The following ALMS1 variants were observed in gnomAD, a reference collection of about 807,000 sequenced individuals.
ALMS1 encodes the protein ALMS1 centrosome and basal body associated protein, also known as centrosome-associated protein ALMS1.
A neutral mutation model predicts 352.2 loss-of-function variants in ALMS1; 271 were observed. The ratio of observed to expected loss-of-function variants is 0.77; its 90% CI spans 0.70 to 0.85. ALMS1 has a LOEUF of 0.85. Among genes scored for constraint, ALMS1 ranks in the 40% least tolerant of loss-of-function variants. The pLI, the probability that ALMS1 is intolerant of heterozygous loss-of-function variation, is 0.00. For missense variants in ALMS1, 5,445 were observed against 4,870.7 expected, an observed-to-expected ratio of 1.12 and a Z score of -3.51; for synonymous variants, 1,865 against 1,761.2, an observed-to-expected ratio of 1.06 and a Z score of -1.48.
At chr2:73,428,946 A>G (rs1161507569) in intron 6 of ALMS1, among the ~76,000 whole-genome samples, 1 of 152,180 alleles carries the variant, frequency 6.6e-6, no homozygotes, top group Non-Finnish European at 1.5e-5. Flanking sequence ...TTATTTGGGT[A>G]TCCACGTATG....
chr2:73,541,651 A>G (rs1279154663), intron 12 of ALMS1, among the ~76,000 whole-genome samples: 4 of 152,190 alleles, frequency 2.6e-5, no homozygotes, highest in Non-Finnish European at 5.9e-5. Context: ...AGAGAGAAGA[A>G]TCAAATAGAC....
chr2:73,505,873 A>G (rs1040564116), intron 10 of ALMS1, among the ~76,000 whole-genome samples: 20 of 152,182 alleles, frequency 1.3e-4, no homozygotes, highest in African/African-American at 4.1e-4. Context: ...GCCCATGCCT[A>G]TGTCCTGAAT....
In ALMS1 at chr2:73,490,623, T is replaced by G; in HGVS notation, c.8664T>G (p.Phe2888Leu). 6.2e-7 allele frequency: 1 copy of G among 1,614,196 alleles called. No individual in the cohort carries two copies. Among genetic ancestry groups the G allele is most frequent in the Non-Finnish European group, 8.5e-7 (1 of 1,180,030 alleles). The stretch of plus-strand genomic sequence containing the variant: ...TTTTTCTTGAACAACGAGAGCTCTT[T>G]GAACAAAGCAAAGCCCCACGTGCAG... ...SCIFLEQRELFEQSKAPRADD... is the reference protein window; with the variant it reads ...SCIFLEQRELLEQSKAPRADD... Residue 2888 changes from phenylalanine (F) to leucine (L), a missense_variant, in exon 10 of 23, where the codon TTT becomes TTG. Transcript: ENST00000613296.
chr2:73,486,323 C>T (rs1028314511), intron 9 of ALMS1, among the ~76,000 whole-genome samples: 5 of 152,128 alleles, frequency 3.3e-5, no homozygotes, highest in East Asian at 1.9e-4. Flanking sequence ...TCACTGACGC[C>T]GCAAGGAAGG....
chr2:73,464,712 A>G (rs1031593859), intron 9 of ALMS1, among the ~76,000 whole-genome samples: 8 of 152,188 alleles, frequency 5.3e-5, no homozygotes, highest in African/African-American at 9.6e-5. Flanking sequence ...GTCTCAGCCC[A>G]AAATCTCCTT....
chr2:73,435,881 C>T (rs1320826254), intron 7 of ALMS1, among the ~76,000 whole-genome samples: 2 of 152,212 alleles, frequency 1.3e-5, no homozygotes, highest in Non-Finnish European at 2.9e-5. Context: ...TGTGAGCCAC[C>T]ATGCCAGCCT....
intron 10 of ALMS1, among the ~76,000 whole-genome samples, chr2:73,512,233 TACC>T (rs1447248952): frequency 6.6e-6 from 1 of 151,952 alleles, no homozygotes; most frequent in African/African-American, 2.4e-5. Context: ...TACAGGTGCG[TACC>T]ACCACGCCTA....
chr2:73,583,379 T>C (rs922154672), intron 16 of ALMS1, among the ~76,000 whole-genome samples: 2 of 152,056 alleles, frequency 1.3e-5, no homozygotes, highest in African/African-American at 4.8e-5. Context: ...TTGCGACTGC[T>C]TTATATTTTC....
intron 15 of ALMS1, among the ~76,000 whole-genome samples, chr2:73,566,676 T>A (rs980312352): frequency 6.6e-6 from 1 of 152,154 alleles, no homozygotes; most frequent in Non-Finnish European, 1.5e-5. Context: ...GTTCTGACAC[T>A]GACAACCTGT....
At chr2:73,527,404 CT>C (rs1673813731) in intron 11 of ALMS1, among the ~76,000 whole-genome samples, 1 of 151,998 alleles carries the variant, frequency 6.6e-6, no homozygotes. Context: ...GAGTCCTCAG[CT>C]TTTCTTTGCT....
intron 1 of ALMS1, among the ~76,000 whole-genome samples, chr2:73,404,367 A>T (rs1439103337): frequency 1.3e-5 from 2 of 152,120 alleles, no homozygotes; most frequent in Non-Finnish European, 1.5e-5. Flanking sequence ...CTGATCTTAG[A>T]GGAAATGTTT....
chr2:73,419,945 A>G (rs1671252683), intron 3 of ALMS1, among the ~76,000 whole-genome samples: 4 of 152,218 alleles, frequency 2.6e-5, no homozygotes, highest in Non-Finnish European at 1.5e-5. Context: ...TAATTCAGCA[A>G]GTTCTTTGCC....
At chr2:73,391,910 G>A (rs1670654525) in intron 1 of ALMS1, among the ~76,000 whole-genome samples, 1 of 152,022 alleles carries the variant, frequency 6.6e-6, no homozygotes, top group African/African-American at 2.4e-5. Flanking sequence ...TCCTTTCAGG[G>A]TTGTAGTCTA....
At chr2:73,534,444 A>G (rs1010883538) in intron 11 of ALMS1, among the ~76,000 whole-genome samples, 1 of 152,144 alleles carries the variant, frequency 6.6e-6, no homozygotes, top group African/African-American at 2.4e-5. Context: ...AGTTAGAGTC[A>G]TCTATATATG....
In ALMS1 at chr2:73,424,330, TAAAC is replaced by T. The variant is rs1671337157; in HGVS notation, c.765-99_765-96del. On this transcript the variant is annotated intron_variant, in intron 4 of 22. Transcript: ENST00000613296. Reference sequence around the variant, plus strand: ...TGTGTTTTTCAATACACTTTTCAAATAAACTTGATTTCAGTGACATATGTATTTT... The same window carrying T: ...TGTGTTTTTCAATACACTTTTCAAATTTGATTTCAGTGACATATGTATTTT... 57 of 787,048 alleles carry T rather than the reference TAAAC, an allele frequency of 7.2e-5. No homozygotes were observed. In the South Asian group the frequency reaches 1.6e-3, roughly 22 times the overall value. The allele number at this position is 787,048 out of a possible 1,614,324, so 48.8% of individuals were successfully genotyped here. A position where few individuals can be genotyped will look rare whatever the true frequency, so the allele number is the denominator to read the frequency against.
intron 4 of ALMS1, among the ~76,000 whole-genome samples, chr2:73,423,662 A>C (rs546836564): frequency 5.3e-5 from 8 of 152,290 alleles, no homozygotes; most frequent in Admixed American, 3.3e-4. Context: ...ACCTGATATC[A>C]CTTTTATGAA....
At chr2:73,503,376 A>G (rs1673256302) in intron 10 of ALMS1, among the ~76,000 whole-genome samples, 1 of 151,770 alleles carries the variant, frequency 6.6e-6, no homozygotes, top group Non-Finnish European at 1.5e-5. Context: ...GCTATAGTTT[A>G]CTGAGAATGA....
chr2:73,574,045 C>A (rs567432582), intron 16 of ALMS1, among the ~76,000 whole-genome samples: 1 of 152,142 alleles, frequency 6.6e-6, no homozygotes, highest in Non-Finnish European at 1.5e-5. Context: ...TTTATGTTTT[C>A]TAGCACTTAG....
chr2:73,508,612 A>G (rs780764043), intron 10 of ALMS1, among the ~76,000 whole-genome samples: 1 of 152,130 alleles, frequency 6.6e-6, no homozygotes, highest in Non-Finnish European at 1.5e-5. Context: ...TTTACTTCCA[A>G]TTATGTGGTC....
Sources: gnomAD v4.1 joint callset for allele counts (sites outside exome capture counted in the v4.1 genomes callset) on GRCh38, gnomAD v4.1.1 for gene constraint, MANE v1.5 for transcripts, NCBI Gene and HGNC (gene_info 2026-07-23, HGNC 2026-07-21) for gene names.